Variants in CADM1 observed in about 807,000 individuals in gnomAD.
CADM1 encodes cell adhesion molecule 1.
A neutral mutation model predicts 53.1 loss-of-function variants in CADM1; 15 were observed. The observed-to-expected ratio is 0.28, with a 90% CI of 0.19 to 0.44. CADM1 has a LOEUF of 0.44. CADM1 is among the 20% of genes least tolerant of loss of function. The probability of loss-of-function intolerance (pLI) is 1.00; values close to 1 mark genes in which losing one functional copy is unlikely to be tolerated. For synonymous variants in CADM1, 281 were observed against 243.0 expected, an observed-to-expected ratio of 1.16 and a Z score of -1.45; for missense variants, 434 against 611.3, an observed-to-expected ratio of 0.71 and a Z score of 3.06.
intron 1 of CADM1, among the ~76,000 whole-genome samples, chr11:115,352,788 C>T (rs979844254): frequency 6.6e-6 from 1 of 152,096 alleles, no homozygotes; most frequent in African/African-American, 2.4e-5. Flanking sequence ...ATTATTATCC[C>T]CATCTTGCAG....
intron 1 of CADM1, among the ~76,000 whole-genome samples, chr11:115,275,431 C>T (rs1943418386): frequency 6.6e-6 from 1 of 152,130 alleles, no homozygotes; most frequent in Non-Finnish European, 1.5e-5. Flanking sequence ...TACAACGTGA[C>T]CTTAGGAGAT....
In CADM1 at chr11:115,199,214, C is replaced by T. The variant is rs1250357654; in HGVS notation, c.1079-776G>A. On this transcript the variant is annotated intron_variant, in intron 8 of 11. Transcript: ENST00000331581. ...ACCCAAGTTCACACAATCTGCCAAA[C>T]GCTGCTTCTAATCATATGACATTCC... 2.0e-5 allele frequency among the ~76,000 whole-genome samples: 3 copies of T among 152,268 alleles called. No individual in the cohort carries two copies. In the South Asian group the frequency reaches 6.2e-4, roughly 32 times the overall value.
At chr11:115,340,519 GAA>G (rs1156429500) in intron 1 of CADM1, among the ~76,000 whole-genome samples, 36 of 52,648 alleles carry the variant, frequency 6.8e-4, no homozygotes, top group African/African-American at 2.3e-3. Context: ...GTTGTGGAAA[GAA>G]AAAAAAAAAA....
rs1446083665 is a variant in CADM1 at position 115,403,973 on chromosome 11, AT to A, written c.124+100297del. ...GTCAGTTTTTAGAAAAAAAAAAAGT[AT>A]TTTTTTATGTGTGTTTTTCAAAGCA... is the stretch of plus-strand genomic sequence containing the variant. On this transcript the variant is annotated intron_variant, in intron 1 of 11. Coordinates refer to ENST00000331581, the MANE Select transcript of CADM1 (RefSeq NM_001301043.2). Among the ~76,000 whole-genome samples, 4 of 151,764 alleles carry A rather than the reference AT, an allele frequency of 2.6e-5. No homozygotes were observed. In the East Asian group the frequency reaches 5.8e-4, roughly 22 times the overall value.
At chr11:115,242,052 G>A (rs1424693203) in intron 1 of CADM1, among the ~76,000 whole-genome samples, 1 of 149,064 alleles carries the variant, frequency 6.7e-6, no homozygotes, top group African/African-American at 2.5e-5. Flanking sequence ...AATCCACCTA[G>A]AAATAGACCA....
chr11:115,469,367 C>G (rs1422082835), intron 1 of CADM1, among the ~76,000 whole-genome samples: 2 of 152,130 alleles, frequency 1.3e-5, no homozygotes, highest in Non-Finnish European at 2.9e-5. Flanking sequence ...AGGTGGATGC[C>G]ATTATCCTTC....
Position 115,176,167 on chromosome 11 carries a change from C to T in CADM1, c.*307G>A. 1 of 1,182,084 alleles carries T rather than the reference C, an allele frequency of 8.5e-7. No individual in the cohort carries two copies. Among genetic ancestry groups the T allele is most frequent in the Non-Finnish European group, 1.1e-6 (1 of 941,650 alleles). The allele number at this position is 1,182,084 out of a possible 1,614,324, so 73.2% of individuals were successfully genotyped here. Reference sequence around the variant, plus strand: ...AAAAGAAAGGAACGCAACAAACAAACAAAAAACAAGGCACAGAATTTTCTG... The same window carrying T: ...AAAAGAAAGGAACGCAACAAACAAATAAAAAACAAGGCACAGAATTTTCTG... On this transcript the variant is annotated 3_prime_UTR_variant, in exon 12 of 12. Coordinates refer to ENST00000331581, the MANE Select transcript of CADM1 (RefSeq NM_001301043.2).
At chr11:115,247,549 G>T (rs1163176173) in intron 1 of CADM1, among the ~76,000 whole-genome samples, 2 of 152,146 alleles carry the variant, frequency 1.3e-5, no homozygotes, top group African/African-American at 2.4e-5. Context: ...ACCACAAGGG[G>T]GTTAAAGATG....
intron 1 of CADM1, among the ~76,000 whole-genome samples, chr11:115,408,320 C>A (rs1346071204): frequency 1.3e-5 from 2 of 152,186 alleles, no homozygotes; most frequent in African/African-American, 4.8e-5. Flanking sequence ...AACAATTTTT[C>A]CCCCAAGCAC....
intron 1 of CADM1, among the ~76,000 whole-genome samples, chr11:115,406,556 T>C (rs1267077587): frequency 1.4e-5 from 2 of 148,086 alleles, no homozygotes; most frequent in African/African-American, 2.4e-5. Flanking sequence ...GTAATACTTA[T>C]ATAATTACAT....
intron 1 of CADM1, among the ~76,000 whole-genome samples, chr11:115,267,967 A>G (rs907738882): frequency 2.6e-5 from 4 of 152,206 alleles, no homozygotes; most frequent in African/African-American, 9.6e-5. Context: ...AGGATTATTT[A>G]CTTCTGAGAA....
At chr11:115,434,639 C>A (rs1363446481) in intron 1 of CADM1, among the ~76,000 whole-genome samples, 1 of 152,026 alleles carries the variant, frequency 6.6e-6, no homozygotes, top group Non-Finnish European at 1.5e-5. Context: ...CTTACCCCAG[C>A]GTCAGGGTGT....
At chr11:115,299,861 C>T (rs1944174401) in intron 1 of CADM1, among the ~76,000 whole-genome samples, 2 of 152,164 alleles carry the variant, frequency 1.3e-5, no homozygotes, top group African/African-American at 4.8e-5. Context: ...AGGACCCTGC[C>T]TTGAATTTGC....
chr11:115,221,610 C>A (rs1260666677), intron 5 of CADM1, among the ~76,000 whole-genome samples: 1 of 152,198 alleles, frequency 6.6e-6, no homozygotes, highest in African/African-American at 2.4e-5. Context: ...CCTTGCACCA[C>A]ATTCTGTGAT....
intron 10 of CADM1, among the ~76,000 whole-genome samples, chr11:115,185,006 A>T (rs1163094305): frequency 1.3e-5 from 2 of 152,170 alleles, no homozygotes; most frequent in Non-Finnish European, 2.9e-5. Flanking sequence ...ACAGAACTTG[A>T]GCTTCATTAC....
intron 1 of CADM1, among the ~76,000 whole-genome samples, chr11:115,398,001 G>C (rs1284701780): frequency 1.3e-5 from 2 of 151,832 alleles, no homozygotes; most frequent in Non-Finnish European, 2.9e-5. Flanking sequence ...CTCTACAAGA[G>C]TATCATTACT....
chr11:115,185,497 T>C (rs1939499294), intron 10 of CADM1, among the ~76,000 whole-genome samples: 1 of 152,222 alleles, frequency 6.6e-6, no homozygotes. Context: ...GGATATTAAA[T>C]ACTATTGTAG....
At chr11:115,177,604 C>G (rs945020030) in intron 11 of CADM1, among the ~76,000 whole-genome samples, 2 of 151,866 alleles carry the variant, frequency 1.3e-5, no homozygotes, top group Admixed American at 6.6e-5. Context: ...ACACATGTTC[C>G]CCTCCCCTGG....
At chr11:115,181,836 CTGCGGGCTG>C (rs1184194413) in intron 10 of CADM1, among the ~76,000 whole-genome samples, 1 of 152,224 alleles carries the variant, frequency 6.6e-6, no homozygotes, top group Non-Finnish European at 1.5e-5. Context: ...CTGCCTGCAC[CTGCGGGCTG>C]TGCCTCACTC....
Sources: allele counts gnomAD v4.1 joint callset (sites outside exome capture counted in the v4.1 genomes callset), GRCh38; gene constraint gnomAD v4.1.1; transcripts MANE v1.5; gene names NCBI Gene and HGNC (gene_info 2026-07-23, HGNC 2026-07-21).